STAC: variants seen among roughly 807,000 people sequenced by gnomAD.
STAC encodes SH3 and cysteine-rich domain-containing protein.
A neutral mutation model predicts 48.8 loss-of-function variants in STAC; 43 were observed. The observed-to-expected ratio is 0.88, with a 90% CI of 0.69 to 1.14. The LOEUF (loss-of-function observed/expected upper bound fraction) is 1.14, where lower values mean the gene tolerates loss of function less well. Ranked by LOEUF, STAC falls within the 50% of genes most tolerant of loss-of-function variation. The pLI is 0.00. For synonymous variants in STAC, 193 were observed against 179.5 expected, an observed-to-expected ratio of 1.07 and a Z score of -0.60; for missense variants, 497 against 504.0, an observed-to-expected ratio of 0.99 and a Z score of 0.13.
chr3:36,481,725 T>G (rs2885142), intron 2 of STAC, among the ~76,000 whole-genome samples: 138,426 of 152,236 alleles, frequency 0.91, 63,167 homozygotes, highest in African/African-American at 0.98. Context: ...TTCCTAACAA[T>G]CTTTTGGAGT....
chr3:36,416,545 C>A (rs1700324590), intron 1 of STAC, among the ~76,000 whole-genome samples: 1 of 152,186 alleles, frequency 6.6e-6, no homozygotes. Flanking sequence ...ATCCTTGCTG[C>A]TATTCAGTCC....
At chr3:36,497,396 T>C (rs1698176079) in intron 6 of STAC, among the ~76,000 whole-genome samples, 1 of 152,146 alleles carries the variant, frequency 6.6e-6, no homozygotes, top group Non-Finnish European at 1.5e-5. Context: ...ATGGCTGAGC[T>C]GGCAGCAAAA....
intron 1 of STAC, among the ~76,000 whole-genome samples, chr3:36,439,435 T>A (rs527907120): frequency 6.6e-6 from 1 of 152,290 alleles, no homozygotes; most frequent in African/African-American, 2.4e-5. Context: ...GTTATTCTGA[T>A]TTTGAGACAT....
intron 2 of STAC, among the ~76,000 whole-genome samples, chr3:36,468,983 A>G (rs922401181): frequency 6.6e-6 from 1 of 151,916 alleles, no homozygotes; most frequent in Non-Finnish European, 1.5e-5. Flanking sequence ...GTGAGTCCTT[A>G]TGTATTAGCT....
chr3:36,420,678 A>G (rs1700429841), intron 1 of STAC, among the ~76,000 whole-genome samples: 2 of 152,212 alleles, frequency 1.3e-5, no homozygotes, highest in African/African-American at 4.8e-5. Flanking sequence ...AATCCACGGA[A>G]AAACTGTCTT....
chr3:36,392,576 C>T (rs950479688), intron 1 of STAC, among the ~76,000 whole-genome samples: 2 of 152,000 alleles, frequency 1.3e-5, no homozygotes, highest in African/African-American at 4.8e-5. Flanking sequence ...CTATGTTGCC[C>T]AGCCTAGTCT....
chr3:36,504,409 A>G lies in STAC; in HGVS notation c.783A>G (p.Glu261=), dbSNP rs561187075. The G allele has an allele frequency of 1.4e-5, 23 of 1,613,200 alleles. No individual in the cohort carries two copies. In the Admixed American group the frequency reaches 2.5e-4, roughly 18 times the overall value. ...KRSNSVFTYP[E]NGTDDFRDPA... ...CTCCTTCAGTGTTTACATATCCAGA[A>G]AATGGCACTGATGATTTCAGAGATC... The change falls in exon 7 of 11, where the codon GAA becomes GAG. Residue 261 remains glutamate, a synonymous_variant. Coordinates refer to ENST00000273183, the MANE Select transcript of STAC (RefSeq NM_003149.3).
intron 5 of STAC, among the ~76,000 whole-genome samples, chr3:36,490,748 G>A (rs1207982928): frequency 2.0e-5 from 3 of 152,218 alleles, no homozygotes; most frequent in Non-Finnish European, 4.4e-5. Context: ...TGAGGCTGAT[G>A]CTAAGAAGCA....
rs1559512159 is a variant in STAC, at chr3:36,492,034, ATAT to A, written c.688-1116_688-1114del. 7.3e-3 allele frequency among the ~76,000 whole-genome samples: 252 copies of A among 34,352 alleles called. 2 individuals carry two copies. The highest frequency in any genetic ancestry group is 0.014 in the East Asian group (12 of 886). The allele number at this position is 34,352 out of a possible 152,430, so 22.5% of individuals were successfully genotyped here. ...AAAAAAAAAAAAAAAAAAAAAAAATATATATATATATATATATATATATATATA... is the reference window on the plus strand; with the variant it reads ...AAAAAAAAAAAAAAAAAAAAAAAATAATATATATATATATATATATATATA... On this transcript the variant is annotated intron_variant, in intron 5 of 10. Coordinates refer to ENST00000273183, the MANE Select transcript of STAC (RefSeq NM_003149.3).
At chr3:36,474,583 G>T (rs533653558) in intron 2 of STAC, among the ~76,000 whole-genome samples, 2 of 152,154 alleles carry the variant, frequency 1.3e-5, no homozygotes, top group African/African-American at 4.8e-5. Flanking sequence ...TCCTGTTCCT[G>T]TCCTCACTAG....
intron 10 of STAC, among the ~76,000 whole-genome samples, chr3:36,542,723 T>C (rs1324635672): frequency 6.6e-6 from 1 of 152,222 alleles, no homozygotes; most frequent in Non-Finnish European, 1.5e-5. Flanking sequence ...GTCAGATTAC[T>C]AAATGTTGTC....
At chr3:36,448,805 C>T (rs1015117904) in intron 2 of STAC, among the ~76,000 whole-genome samples, 3 of 151,838 alleles carry the variant, frequency 2.0e-5, no homozygotes, top group African/African-American at 7.3e-5. Context: ...TCCACTGGCA[C>T]AGTAGCTTGC....
intron 8 of STAC, among the ~76,000 whole-genome samples, chr3:36,528,021 A>T (rs1026956787): frequency 6.6e-6 from 1 of 152,222 alleles, no homozygotes; most frequent in African/African-American, 2.4e-5. Context: ...AACAAAAAAA[A>T]TACATGAACA....
chr3:36,471,659 G>A (rs1697338143), intron 2 of STAC, among the ~76,000 whole-genome samples: 1 of 152,188 alleles, frequency 6.6e-6, no homozygotes, highest in Admixed American at 6.5e-5. Flanking sequence ...AAGGGCCCAT[G>A]CAAGTCCAAA....
At chr3:36,386,103 T>C (rs1180489642) in intron 1 of STAC, among the ~76,000 whole-genome samples, 3 of 152,090 alleles carry the variant, frequency 2.0e-5, no homozygotes, top group Non-Finnish European at 4.4e-5. Context: ...CTGCCAGCAA[T>C]GTATAAGACT....
chr3:36,459,981 G>GT (rs1380566003), intron 2 of STAC, among the ~76,000 whole-genome samples: 1 of 152,044 alleles, frequency 6.6e-6, no homozygotes, highest in Non-Finnish European at 1.5e-5. Flanking sequence ...AAAGAACCAT[G>GT]TTAGAGAAAG....
At chr3:36,484,645 T>C (rs778311999) in intron 3 of STAC, among the ~76,000 whole-genome samples, 1 of 152,184 alleles carries the variant, frequency 6.6e-6, no homozygotes, top group Non-Finnish European at 1.5e-5. Context: ...TGAAATAATA[T>C]GTGGCAGTCC....
intron 1 of STAC, among the ~76,000 whole-genome samples, chr3:36,402,472 C>A (rs1466256152): frequency 1.3e-5 from 2 of 151,994 alleles, no homozygotes; most frequent in East Asian, 3.9e-4. Context: ...TGGTTTTGTG[C>A]CCACTCTACA....
At chr3:36,403,514 A>G (rs1411636859) in intron 1 of STAC, among the ~76,000 whole-genome samples, 2 of 152,088 alleles carry the variant, frequency 1.3e-5, no homozygotes, top group African/African-American at 2.4e-5. Context: ...GTAGAAAAAA[A>G]GTTATATGTT....
Sources: allele counts gnomAD v4.1 joint callset (sites outside exome capture counted in the v4.1 genomes callset), GRCh38; gene constraint gnomAD v4.1.1; transcripts MANE v1.5; gene names NCBI Gene and HGNC (gene_info 2026-07-23, HGNC 2026-07-21).